RHAG: variants seen among roughly 807,000 people sequenced by gnomAD.
The protein encoded by RHAG is ammonium transporter Rh type A.
A neutral mutation model predicts 42.4 loss-of-function variants in RHAG; 25 were observed. That is an observed-to-expected ratio of 0.59 (90% CI 0.43 to 0.82). RHAG has a LOEUF of 0.82. RHAG is among the 40% of genes least tolerant of loss of function. The pLI, the probability that RHAG is intolerant of heterozygous loss-of-function variation, is 0.00. For synonymous variants in RHAG, 182 were observed against 177.7 expected (o/e 1.02, Z -0.19); for missense variants, 483 against 504.6 (o/e 0.96, Z 0.41).
At chr6:49,614,542 T>C (rs999719227) in intron 5 of RHAG, 145 bp downstream of exon 5, 1 of 809,420 alleles carries the variant, frequency 1.2e-6, no homozygotes, top group African/African-American at 1.7e-5. Flanking sequence ...AATGAATAAA[T>C]GTTGTTGTTT....
In RHAG at chr6:49,615,711, C is replaced by A; in HGVS notation, c.553G>T (p.Val185Leu). 1.2e-6 allele frequency: 2 copies of A among 1,614,062 alleles called. No individual in the cohort carries two copies. Among genetic ancestry groups the A allele is most frequent in the Admixed American group, 3.3e-5 (2 of 60,014 alleles). ...HAFGAYFGLA[V>L]AGILYRSGLR... is the part of the protein sequence containing the mutation. ...CCAGATCGATACAAGATGCCTGCTA[C>A]AGCCAAGCCAAAGTAGGCCCCAAAG... Residue 185 changes from valine (V) to leucine (L), a missense_variant, in exon 4 of 10, where the codon GTA (valine) becomes TTA (leucine). Coordinates refer to ENST00000371175, the MANE Select transcript of RHAG (RefSeq NM_000324.3).
intron 7 of RHAG, 130 bp downstream of exon 7, chr6:49,610,894 G>T (rs1235302693): frequency 1.9e-6 from 2 of 1,036,430 alleles, no homozygotes; most frequent in African/African-American, 3.2e-5. Context: ...TCTCAGGCGC[G>T]TCTCTTTGGC....
intron 3 of RHAG, among the ~76,000 whole-genome samples, chr6:49,616,521 A>G (rs1326195735): frequency 6.6e-6 from 1 of 152,146 alleles, no homozygotes; most frequent in Admixed American, 6.5e-5. Flanking sequence ...ATGACATGAA[A>G]ACCAGCTGAG....
In RHAG at chr6:49,619,355, T is replaced by C; in HGVS notation, c.165A>G (p.Gln55=). 2 of 1,613,768 alleles carry C rather than the reference T, an allele frequency of 1.2e-6. No individual in the cohort carries two copies. The highest frequency in any genetic ancestry group is 1.1e-5 in the South Asian group (1 of 91,016). ...CAACAAATATCATAACATGTACATC[T>C]TGGAACACTGGAAAAGAGGAAAGGA... is the stretch of plus-strand genomic sequence containing the variant. ...GIFFELYPLF[Q]DVHVMIFVGF... is the part of the protein sequence containing the mutation. Residue 55 remains glutamine, a synonymous_variant, in exon 2 of 10, where the codon CAA becomes CAG. Transcript: ENST00000371175.
chr6:49,615,341 T>C, intron 4 of RHAG: 1 of 304,630 alleles, frequency 3.3e-6, no homozygotes, highest in Non-Finnish European at 6.1e-6. Flanking sequence ...TGAGCCAGCA[T>C]AAAGTAGTAT....
At chr6:49,616,091 G>A (rs1042040905) in intron 3 of RHAG, among the ~76,000 whole-genome samples, 3 of 152,168 alleles carry the variant, frequency 2.0e-5, no homozygotes, top group African/African-American at 7.2e-5. Flanking sequence ...AGTTTGTGGT[G>A]AGACTTAGAT....
At chr6:49,620,817 C>T (rs775718626) in intron 1 of RHAG, among the ~76,000 whole-genome samples, 1 of 152,198 alleles carries the variant, frequency 6.6e-6, no homozygotes, top group Non-Finnish European at 1.5e-5. Context: ...AGGTGTGACC[C>T]ACCATGCCCG....
rs770212390 is a variant in RHAG at position 49,636,652 on chromosome 6, T to C, written c.157+4A>G. On this transcript the variant is annotated splice_donor_region_variant and intron_variant, in intron 1 of 9. Transcript: ENST00000371175. ...GTATAGTAAGTAGTAAATTGCCTAC[T>C]CACGAGGATATAACTCAAAGAATAT... The C allele has an allele frequency of 6.2e-7, 1 of 1,613,852 alleles. No individual in the cohort carries two copies. Among genetic ancestry groups the C allele is most frequent in the South Asian group, 1.1e-5 (1 of 91,082 alleles).
At chr6:49,622,860 G>C (rs1035078244) in intron 1 of RHAG, among the ~76,000 whole-genome samples, 1 of 146,948 alleles carries the variant, frequency 6.8e-6, no homozygotes. Context: ...TTTTGAGACG[G>C]AGTCTCGCTC....
intron 6 of RHAG, among the ~76,000 whole-genome samples, chr6:49,611,777 C>T (rs1762573024): frequency 6.6e-6 from 1 of 151,370 alleles, no homozygotes; most frequent in Non-Finnish European, 1.5e-5. Flanking sequence ...AGTCTCACTC[C>T]ATTGCCCAGG....
rs562705321 is a variant in RHAG, at chr6:49,632,680, C to T, written c.157+3976G>A. Among the ~76,000 whole-genome samples, 202 of 152,114 alleles carry T rather than the reference C, an allele frequency of 1.3e-3. 1 individual carries two copies. Among genetic ancestry groups the T allele is most frequent in the Non-Finnish European group, 2.4e-3 (160 of 67,982 alleles). The stretch of plus-strand genomic sequence containing the variant: ...CCAATCAAAGTACAGGATAAACTAA[C>T]GGATTTTTAATGCCACAGAGTATAA... On this transcript the variant is annotated intron_variant, in intron 1 of 9. Transcript: ENST00000371175.
chr6:49,607,858 T>C (rs1390118075), intron 7 of RHAG, among the ~76,000 whole-genome samples: 2 of 152,298 alleles, frequency 1.3e-5, no homozygotes, highest in East Asian at 3.9e-4. Context: ...TAAAGAGTTG[T>C]TGAAAGACTG....
chr6:49,620,204 T>C (rs549652446), intron 1 of RHAG, among the ~76,000 whole-genome samples: 3 of 152,322 alleles, frequency 2.0e-5, no homozygotes, highest in East Asian at 1.9e-4. Context: ...TTACTCTCTA[T>C]GAGCTTCAGT....
chr6:49,634,832 A>G (rs1336119320), intron 1 of RHAG, among the ~76,000 whole-genome samples: 1 of 152,058 alleles, frequency 6.6e-6, no homozygotes, highest in Non-Finnish European at 1.5e-5. Context: ...GACGTATACA[A>G]TTATATACAT....
intron 1 of RHAG, among the ~76,000 whole-genome samples, chr6:49,624,406 T>C (rs1409310270): frequency 1.3e-5 from 2 of 152,158 alleles, no homozygotes; most frequent in Non-Finnish European, 2.9e-5. Context: ...GGTTTCACCA[T>C]GTTGGCCAGG....
At chr6:49,620,519 T>C (rs778218924) in intron 1 of RHAG, among the ~76,000 whole-genome samples, 3 of 151,750 alleles carry the variant, frequency 2.0e-5, no homozygotes, top group African/African-American at 7.3e-5. Context: ...TGGGGCACCA[T>C]AGTTTCTCTC....
chr6:49,605,655 T>C lies in RHAG; in HGVS notation c.*158A>G. 1 of 750,766 alleles carries C rather than the reference T, an allele frequency of 1.3e-6. No homozygotes were observed. Among genetic ancestry groups the C allele is most frequent in the Non-Finnish European group, 2.4e-6 (1 of 408,552 alleles). The allele number at this position is 750,766 out of a possible 1,614,324, so 46.5% of individuals were successfully genotyped here. A position where few individuals can be genotyped will look rare whatever the true frequency, so the allele number is the denominator to read the frequency against. Reference sequence around the variant, plus strand: ...TACACTGGCCATTTGGGACTTAGGATCTATTCACTCTGGTCCATACTCTCT... The same window carrying C: ...TACACTGGCCATTTGGGACTTAGGACCTATTCACTCTGGTCCATACTCTCT... On this transcript the variant is annotated 3_prime_UTR_variant, in exon 10 of 10. Transcript: ENST00000371175.
intron 7 of RHAG, among the ~76,000 whole-genome samples, chr6:49,608,673 G>A (rs372745906): frequency 8.5e-5 from 13 of 152,064 alleles, no homozygotes; most frequent in East Asian, 1.9e-4. Flanking sequence ...CACCGTGTCC[G>A]GTCTATATAC....
intron 1 of RHAG, among the ~76,000 whole-genome samples, chr6:49,631,550 C>T (rs1241834527): frequency 6.6e-6 from 1 of 152,026 alleles, no homozygotes; most frequent in Non-Finnish European, 1.5e-5. Flanking sequence ...CTGTTGATGC[C>T]CCATTCAAGC....
Sources: gnomAD v4.1 joint callset for allele counts (sites outside exome capture counted in the v4.1 genomes callset) on GRCh38, gnomAD v4.1.1 for gene constraint, MANE v1.5 for transcripts, NCBI Gene and HGNC (gene_info 2026-07-23, HGNC 2026-07-21) for gene names.